TRAPPC9: variants seen among roughly 807,000 people sequenced by gnomAD.
TRAPPC9 encodes trafficking protein particle complex subunit 9.
TRAPPC9 carries 83 observed loss-of-function variants against 124.0 expected under a neutral mutation model. The ratio of observed to expected loss-of-function variants is 0.67; its 90% CI spans 0.56 to 0.80. The LOEUF (loss-of-function observed/expected upper bound fraction) is 0.80, where lower values mean the gene tolerates loss of function less well. Among genes scored for constraint, TRAPPC9 ranks in the 30% least tolerant of loss-of-function variants. TRAPPC9 has a pLI of 0.00. For missense variants in TRAPPC9, 1,302 were observed against 1,508.3 expected (o/e 0.86, Z 2.27); for synonymous variants, 638 against 617.5 (o/e 1.03, Z -0.49).
chr8:140,165,009 A>G (rs1177426177), intron 17 of TRAPPC9, among the ~76,000 whole-genome samples: 1 of 152,230 alleles, frequency 6.6e-6, no homozygotes, highest in African/African-American at 2.4e-5. Flanking sequence ...ATGTGTAAGT[A>G]CTTACTATGC....
chr8:140,255,144 G>C (rs892870982), intron 15 of TRAPPC9, among the ~76,000 whole-genome samples: 1 of 152,194 alleles, frequency 6.6e-6, no homozygotes, highest in East Asian at 1.9e-4. Flanking sequence ...TTTCCTTAAA[G>C]AAGGATACTA....
At chr8:140,286,975 A>G (rs73366994) in intron 13 of TRAPPC9, among the ~76,000 whole-genome samples, 4,729 of 152,098 alleles carry the variant, frequency 0.031, 244 homozygotes, top group African/African-American at 0.11. Context: ...CAGAAGACAA[A>G]AGAGACCCAA....
rs1563706950 is a variant in TRAPPC9 at position 140,033,685 on chromosome 8, T to TTTTG, written c.2557-9607_2557-9606insCAAA. Among the ~76,000 whole-genome samples, 20 of 117,376 alleles carry TTTTG rather than the reference T, an allele frequency of 1.7e-4. 1 individual carries two copies. Among genetic ancestry groups the TTTTG allele is most frequent in the South Asian group, 6.1e-4 (2 of 3,282 alleles). 77.0% of individuals were successfully genotyped at this position (117,376 alleles called of 152,430 possible). ...TTTTTTTTTTTTTTTTTTTTTTTTT[T>TTTTG]TTTTTTTTTTTTTTGAGACAGAGTC... On this transcript the variant is annotated intron_variant, in intron 17 of 22. Transcript: ENST00000438773.
chr8:140,193,989 T>A (rs903496329), intron 17 of TRAPPC9, among the ~76,000 whole-genome samples: 13 of 152,070 alleles, frequency 8.5e-5, no homozygotes, highest in African/African-American at 3.1e-4. Flanking sequence ...AAACACAGGG[T>A]CCAGTCCCAG....
chr8:140,145,870 T>A lies in TRAPPC9; in HGVS notation c.2556+75589A>T, dbSNP rs148418942. ...GTATTTTTTATTTTCTTCCTTCACA[T>A]GTTTTCTGTTACTGCCTAAGTCTTT... On this transcript the variant is annotated intron_variant, in intron 17 of 22. Coordinates refer to ENST00000438773, the MANE Select transcript of TRAPPC9 (RefSeq NM_001160372.4). 2.8e-3 allele frequency among the ~76,000 whole-genome samples: 420 copies of A among 152,314 alleles called. 2 individuals carry two copies. Among genetic ancestry groups the A allele is most frequent in the Non-Finnish European group, 4.0e-3 (271 of 68,024 alleles).
chr8:139,829,325 C>T (rs990862986), intron 21 of TRAPPC9, among the ~76,000 whole-genome samples: 1 of 152,256 alleles, frequency 6.6e-6, no homozygotes, highest in African/African-American at 2.4e-5. Context: ...TGCAGACAAA[C>T]AGGAGGAAGC....
intron 7 of TRAPPC9, among the ~76,000 whole-genome samples, chr8:140,379,062 T>C (rs1305114413): frequency 1.3e-5 from 2 of 152,202 alleles, no homozygotes; most frequent in Non-Finnish European, 2.9e-5. Flanking sequence ...TTAAGTATTA[T>C]TTGAAATTTT....
At chr8:140,285,206 G>A (rs941949379) in intron 13 of TRAPPC9, among the ~76,000 whole-genome samples, 3 of 152,202 alleles carry the variant, frequency 2.0e-5, no homozygotes, top group Admixed American at 6.5e-5. Flanking sequence ...CAAGAACTGC[G>A]TGACTAAGGC....
chr8:139,793,801 CAG>C (rs1822867394), intron 21 of TRAPPC9, among the ~76,000 whole-genome samples: 1 of 152,164 alleles, frequency 6.6e-6, no homozygotes, highest in Non-Finnish European at 1.5e-5. Context: ...CAGCTCCAGA[CAG>C]TGGAAAAAGG....
At chr8:140,111,581 G>A (rs1406791984) in intron 17 of TRAPPC9, among the ~76,000 whole-genome samples, 1 of 152,228 alleles carries the variant, frequency 6.6e-6, no homozygotes, top group East Asian at 1.9e-4. Context: ...AAGACGCCCA[G>A]AGCAGGTCTC....
chr8:140,281,905 G>A (rs911992613), intron 14 of TRAPPC9, among the ~76,000 whole-genome samples: 5 of 152,144 alleles, frequency 3.3e-5, no homozygotes, highest in African/African-American at 1.2e-4. Flanking sequence ...CCTCCTGGAA[G>A]AACTCTTCCC....
chr8:139,865,715 C>T (rs1308735090), intron 21 of TRAPPC9, among the ~76,000 whole-genome samples: 1 of 152,164 alleles, frequency 6.6e-6, no homozygotes, highest in Non-Finnish European at 1.5e-5. Flanking sequence ...CCAAGAGAAC[C>T]CAGTTGGTCC....
chr8:139,806,984 G>A (rs575957866), intron 21 of TRAPPC9, among the ~76,000 whole-genome samples: 28 of 152,344 alleles, frequency 1.8e-4, no homozygotes, highest in African/African-American at 2.6e-4. Flanking sequence ...AGCACTTAGC[G>A]GCCTCCGGAG....
chr8:139,917,298 A>G (rs940533590), intron 19 of TRAPPC9, among the ~76,000 whole-genome samples: 13 of 148,426 alleles, frequency 8.8e-5, no homozygotes, highest in Non-Finnish European at 3.0e-5. Context: ...CTCCTGCCTC[A>G]GCCTCCCAAG....
chr8:139,844,876 T>C (rs1826970802), intron 21 of TRAPPC9, among the ~76,000 whole-genome samples: 1 of 152,246 alleles, frequency 6.6e-6, no homozygotes, highest in African/African-American at 2.4e-5. Flanking sequence ...GGCAACCTGC[T>C]GGCCAGGCTT....
chr8:140,249,191 T>C (rs778082792), intron 16 of TRAPPC9, among the ~76,000 whole-genome samples: 10 of 152,198 alleles, frequency 6.6e-5, no homozygotes, highest in African/African-American at 1.2e-4. Context: ...CTCCCTGCCT[T>C]CTCGAGTAGC....
rs565763552 is a variant in TRAPPC9 at position 140,391,609 on chromosome 8, G to A, written c.1134+6011C>T. On this transcript the variant is annotated intron_variant, in intron 7 of 22. Coordinates refer to ENST00000438773, the MANE Select transcript of TRAPPC9 (RefSeq NM_001160372.4). ...TGCCTGTAATCTCAGCTACTCAGGAGGCTGAGGCAGGAGAATCGCTTGAAC... is the reference window on the plus strand; with the variant it reads ...TGCCTGTAATCTCAGCTACTCAGGAAGCTGAGGCAGGAGAATCGCTTGAAC... 1.4e-4 allele frequency among the ~76,000 whole-genome samples: 21 copies of A among 152,088 alleles called. 1 individual carries two copies. The South Asian group carries it at 4.4e-3, about 32-fold the overall frequency.
At chr8:139,843,460 A>C (rs1344014576) in intron 21 of TRAPPC9, among the ~76,000 whole-genome samples, 1 of 152,238 alleles carries the variant, frequency 6.6e-6, no homozygotes, top group Non-Finnish European at 1.5e-5. Flanking sequence ...TGTGATAGGC[A>C]GAACGATCCC....
At chr8:139,883,730 T>G (rs1381693466) in intron 21 of TRAPPC9, among the ~76,000 whole-genome samples, 1 of 152,224 alleles carries the variant, frequency 6.6e-6, no homozygotes, top group Non-Finnish European at 1.5e-5. Flanking sequence ...CCAGGCTTCT[T>G]CCAGGCGCCC....
Sources: gnomAD v4.1 joint callset for allele counts (sites outside exome capture counted in the v4.1 genomes callset) on GRCh38, gnomAD v4.1.1 for gene constraint, MANE v1.5 for transcripts, NCBI Gene and HGNC (gene_info 2026-07-23, HGNC 2026-07-21) for gene names.